The following KPNA7 variants were observed in gnomAD, a reference collection of about 807,000 sequenced individuals.
KPNA7 encodes the protein importin subunit alpha-8.
In KPNA7, 54 loss-of-function variants were observed where a neutral mutation model predicts 53.7. The ratio of observed to expected loss-of-function variants is 1.01; its 90% CI spans 0.81 to 1.26. KPNA7 has a LOEUF of 1.26. Among genes scored for constraint, KPNA7 ranks in the 50% most tolerant of loss-of-function variants. The pLI is 0.00. For missense variants in KPNA7, 640 were observed against 644.5 expected (o/e 0.99, Z 0.07); for synonymous variants, 276 against 259.3 (o/e 1.06, Z -0.62).
At chr7:99,189,894 T>A (rs140327641) in intron 6 of KPNA7, among the ~76,000 whole-genome samples, 31 of 152,246 alleles carry the variant, frequency 2.0e-4, no homozygotes, top group African/African-American at 7.2e-4. Flanking sequence ...CCTCCAGTTG[T>A]TCTTCAGGCC....
intron 8 of KPNA7, among the ~76,000 whole-genome samples, chr7:99,183,935 C>T (rs1316538086): frequency 6.6e-6 from 1 of 152,212 alleles, no homozygotes. Context: ...AACCTCCACC[C>T]TCCCAGGTTC....
chr7:99,159,573 A>G, the KPNA7 span, among the ~76,000 whole-genome samples: 1 of 152,022 alleles, frequency 6.6e-6, no homozygotes, highest in African/African-American at 2.4e-5. Flanking sequence ...ATTCCACCCC[A>G]TGTGTGTATC....
the KPNA7 span, among the ~76,000 whole-genome samples, chr7:99,168,268 A>ACC: frequency 7.9e-5 from 12 of 151,936 alleles, no homozygotes; most frequent in Non-Finnish European, 1.5e-4. Flanking sequence ...CTTAGGTCCT[A>ACC]CCCCCCAGAG....
At chr7:99,207,175 C>T (rs1441230586) in intron 2 of KPNA7, among the ~76,000 whole-genome samples, 1 of 151,956 alleles carries the variant, frequency 6.6e-6, no homozygotes, top group Non-Finnish European at 1.5e-5. Flanking sequence ...GCTGGGATTA[C>T]AAGTACAAGC....
intron 10 of KPNA7, among the ~76,000 whole-genome samples, chr7:99,174,814 TTA>T (rs1337389861): frequency 5.1e-5 from 6 of 118,468 alleles, no homozygotes; most frequent in Non-Finnish European, 6.5e-5. Flanking sequence ...CTCTTATTTA[TTA>T]TTTTTTTTTT....
At chr7:99,193,127 T>C (rs1167295444) in intron 5 of KPNA7, 26 bp from the exon 6 acceptor site, 8 of 1,376,662 alleles carry the variant, frequency 5.8e-6, no homozygotes, top group Non-Finnish European at 6.7e-6. Flanking sequence ...AATGTGACAT[T>C]TAGAGAGAGA....
chr7:99,165,029 T>C, the KPNA7 span, among the ~76,000 whole-genome samples: 1 of 152,136 alleles, frequency 6.6e-6, no homozygotes, highest in African/African-American at 2.4e-5. Context: ...TAATCCCAGC[T>C]ACTCAGGAGG....
intron 1 of KPNA7, among the ~76,000 whole-genome samples, chr7:99,217,771 C>T (rs1249366806): frequency 2.6e-5 from 4 of 151,778 alleles, no homozygotes; most frequent in South Asian, 2.1e-4. Context: ...GCTGGGATTA[C>T]AGTCACACAC....
intron 3 of KPNA7, among the ~76,000 whole-genome samples, chr7:99,198,458 G>A (rs184969180): frequency 2.0e-5 from 3 of 152,150 alleles, no homozygotes; most frequent in African/African-American, 7.2e-5. Flanking sequence ...ATTTAACTCA[G>A]GAATTCAGGA....
intron 6 of KPNA7, among the ~76,000 whole-genome samples, chr7:99,192,073 G>C (rs1789985252): frequency 6.6e-6 from 1 of 152,102 alleles, no homozygotes; most frequent in Non-Finnish European, 1.5e-5. Flanking sequence ...TTGACTCTAA[G>C]CCTCAAAAGA....
intron 8 of KPNA7, among the ~76,000 whole-genome samples, chr7:99,184,068 C>G (rs151111829): frequency 0.2 from 29,917 of 151,254 alleles, 3,103 homozygotes; most frequent in South Asian, 0.33. Flanking sequence ...AGGCTGGTAT[C>G]GAACCCCTGA....
downstream of KPNA7, among the ~76,000 whole-genome samples, chr7:99,171,349 CCAA>C (rs1462005652): frequency 2.6e-5 from 4 of 152,200 alleles, no homozygotes; most frequent in African/African-American, 9.6e-5. Context: ...GCCTGTAATC[CCAA>C]CACTTTGAGA....
Position 99,193,040 on chromosome 7 carries a change from G to T in KPNA7, c.615C>A (p.Ala205=). 1.3e-6 allele frequency: 2 copies of T among 1,509,248 alleles called. No homozygotes were observed. Among genetic ancestry groups the T allele is most frequent in the Non-Finnish European group, 1.8e-6 (2 of 1,131,418 alleles). The allele number at this position is 1,509,248 out of a possible 1,614,324, so 93.5% of individuals were successfully genotyped here. ...ITSNAIPHLL[A]LISPTLPITF... ...TTACCGGCAGGGTGGGTGAAATCAA[G>T]GCTAGGAGATGTGGGATGGCATTGC... Residue 205 remains alanine, a synonymous_variant, in exon 6 of 11, where the codon GCC becomes GCA. Coordinates refer to ENST00000327442, the MANE Select transcript of KPNA7 (RefSeq NM_001145715.3).
chr7:99,163,322 T>G, the KPNA7 span, among the ~76,000 whole-genome samples: 1 of 143,122 alleles, frequency 7.0e-6, no homozygotes, highest in Admixed American at 7.2e-5. Context: ...ATATATAATA[T>G]ACATATTTTA....
chr7:99,195,366 G>A (rs1202720340), intron 4 of KPNA7, 28 bp from the exon 5 acceptor site: 17 of 1,545,344 alleles, frequency 1.1e-5, no homozygotes, highest in Non-Finnish European at 1.5e-5. Context: ...GGGCAGGGGA[G>A]GGGGAGGTCA....
At chr7:99,150,421 C>CTTTTTTTTTT in the KPNA7 span, among the ~76,000 whole-genome samples, 3 of 14,874 alleles carry the variant, frequency 2.0e-4, no homozygotes, top group Non-Finnish European at 1.9e-4. Flanking sequence ...AATCATTCTT[C>CTTTTTTTTTT]TCTTTTTTTT....
At chr7:99,146,843 G>A in the KPNA7 span, among the ~76,000 whole-genome samples, 8 of 151,236 alleles carry the variant, frequency 5.3e-5, no homozygotes, top group East Asian at 3.9e-4. Context: ...ATTACCATAC[G>A]GTGGGGCAAA....
At chr7:99,196,297 A>T (rs576265443) in intron 3 of KPNA7, 131 bp from the exon 4 acceptor site, 2 of 646,532 alleles carry the variant, frequency 3.1e-6, no homozygotes. Context: ...ATGCTGTTCT[A>T]TATTTGGGGA....
intron 6 of KPNA7, among the ~76,000 whole-genome samples, chr7:99,192,603 TCTCA>T (rs1291562168): frequency 1.3e-5 from 2 of 152,088 alleles, no homozygotes; most frequent in African/African-American, 4.8e-5. Context: ...AGAAGCATGG[TCTCA>T]CTATGTTGCC....
Sources: allele counts gnomAD v4.1 joint callset (sites outside exome capture counted in the v4.1 genomes callset), GRCh38; gene constraint gnomAD v4.1.1; transcripts MANE v1.5; gene names NCBI Gene and HGNC (gene_info 2026-07-23, HGNC 2026-07-21).